OSBPL9: variants seen among roughly 807,000 people sequenced by gnomAD.
OSBPL9 encodes the protein oxysterol-binding protein-related protein 9.
OSBPL9 carries 40 observed loss-of-function variants against 106.6 expected under a neutral mutation model. The observed-to-expected ratio is 0.38, with a 90% confidence interval of 0.29 to 0.49. The LOEUF is 0.49. Among genes scored for constraint, OSBPL9 ranks in the 20% least tolerant of loss-of-function variants. OSBPL9 has a pLI of 0.97. For missense variants in OSBPL9, 609 were observed against 887.2 expected (o/e 0.69, Z 3.98); for synonymous variants, 269 against 295.4 (o/e 0.91, Z 0.92).
intron 3 of OSBPL9, among the ~76,000 whole-genome samples, chr1:51,693,014 A>G (rs187542527): frequency 5.2e-4 from 79 of 152,278 alleles, no homozygotes; most frequent in Middle Eastern, 3.4e-3. Flanking sequence ...AAAAGGTGAC[A>G]AATTATCACT....
chr1:51,562,516 T>G, the OSBPL9 span, among the ~76,000 whole-genome samples: 1,629 of 152,326 alleles, frequency 0.011, 21 homozygotes, highest in African/African-American at 0.037. Context: ...AAGAATGGAC[T>G]AATACACCAA....
chr1:51,767,936 C>CTT (rs869092922), intron 12 of OSBPL9, among the ~76,000 whole-genome samples: 2,636 of 65,052 alleles, frequency 0.041, 677 homozygotes, highest in Non-Finnish European at 0.054. Flanking sequence ...TAAAGACCGT[C>CTT]TTTTTTTTTT....
intron 12 of OSBPL9, among the ~76,000 whole-genome samples, chr1:51,767,379 G>T (rs1672788518): frequency 6.6e-6 from 1 of 150,434 alleles, no homozygotes; most frequent in Non-Finnish European, 1.5e-5. Flanking sequence ...GGTGACAAGA[G>T]TGAGACTCTG....
At chr1:51,572,973 A>T (rs1645159599), upstream of OSBPL9, among the ~76,000 whole-genome samples, 1 of 152,104 alleles carries the variant, frequency 6.6e-6, no homozygotes, top group Non-Finnish European at 1.5e-5. Context: ...GCAATGCGGG[A>T]GGCTGAGGTG....
chr1:51,519,312 G>A, the OSBPL9 span: 2 of 410,016 alleles, frequency 4.9e-6, no homozygotes, highest in Non-Finnish European at 7.9e-6. Context: ...GGGAGCGGCC[G>A]CAGGCGAGGC....
the OSBPL9 span, among the ~76,000 whole-genome samples, chr1:51,561,192 G>A: frequency 1.3e-5 from 2 of 152,176 alleles, no homozygotes; most frequent in African/African-American, 4.8e-5. Context: ...AGCTGAAATT[G>A]CATCACTGCA....
intron 4 of OSBPL9, among the ~76,000 whole-genome samples, chr1:51,733,639 G>C (rs1027851348): frequency 6.6e-5 from 10 of 152,092 alleles, no homozygotes; most frequent in African/African-American, 2.4e-4. Flanking sequence ...GCTGGGTGTG[G>C]TGGTGGGCAT....
the OSBPL9 span, among the ~76,000 whole-genome samples, chr1:51,522,229 A>G: frequency 3.3e-5 from 5 of 152,370 alleles, no homozygotes; most frequent in South Asian, 1.0e-3. Context: ...TTCTATAAGT[A>G]AGAGCCATTG....
At chr1:51,694,960 A>G (rs1204630210) in intron 3 of OSBPL9, among the ~76,000 whole-genome samples, 1 of 152,196 alleles carries the variant, frequency 6.6e-6, no homozygotes, top group Non-Finnish European at 1.5e-5. Flanking sequence ...CCCGAGAGTG[A>G]ATAATTTAGT....
intron 1 of OSBPL9, among the ~76,000 whole-genome samples, chr1:51,625,380 C>T (rs1000950262): frequency 6.6e-6 from 1 of 151,992 alleles, no homozygotes; most frequent in African/African-American, 2.4e-5. Context: ...TAGGTAATCC[C>T]GATCAAAACT....
the OSBPL9 span, among the ~76,000 whole-genome samples, chr1:51,558,983 C>G: frequency 6.6e-6 from 1 of 152,046 alleles, no homozygotes; most frequent in Non-Finnish European, 1.5e-5. Context: ...ACAAAACAAA[C>G]AACAACAACT....
At chr1:51,641,697 T>G (rs1411041553) in intron 1 of OSBPL9, among the ~76,000 whole-genome samples, 1 of 152,214 alleles carries the variant, frequency 6.6e-6, no homozygotes, top group African/African-American at 2.4e-5. Context: ...AGCAGGGCCT[T>G]ACAAATGTGT....
the OSBPL9 span, among the ~76,000 whole-genome samples, chr1:51,542,177 C>T: frequency 4.6e-5 from 7 of 152,242 alleles, no homozygotes; most frequent in Admixed American, 1.3e-4. Context: ...GCTTAAACCA[C>T]TGCACCTGGC....
chr1:51,739,254 A>G (rs1383824847), intron 4 of OSBPL9, among the ~76,000 whole-genome samples: 1 of 152,040 alleles, frequency 6.6e-6, no homozygotes, highest in East Asian at 1.9e-4. Flanking sequence ...CCAATTGAAA[A>G]AAAATTCAGC....
chr1:51,745,528 TTCTC>T lies in OSBPL9; in HGVS notation c.319-6_319-3del, dbSNP rs777795509. Reference sequence around the variant, plus strand: ...CTGGTAGATTTATTGCAAATTCTCTTTCTCTAGGGTTTGGATTCAGGATTTGTTC... The same window carrying T: ...CTGGTAGATTTATTGCAAATTCTCTTTAGGGTTTGGATTCAGGATTTGTTC... On this transcript the variant is annotated splice_polypyrimidine_tract_variant and splice_region_variant and intron_variant, in intron 4 of 23. Transcript: ENST00000428468. The T allele has an allele frequency of 1.2e-6, 2 of 1,610,578 alleles. No homozygotes were observed. Among genetic ancestry groups the T allele is most frequent in the Admixed American group, 3.3e-5 (2 of 59,740 alleles).
At chr1:51,785,474 C>T (rs755069840) in intron 20 of OSBPL9, 5 of 263,114 alleles carry the variant, frequency 1.9e-5, no homozygotes, top group Non-Finnish European at 2.2e-5. Flanking sequence ...ACAGCACTTA[C>T]CACCTAGAAT....
intron 19 of OSBPL9, 37 bp from the exon 20 acceptor site, chr1:51,784,405 A>G: frequency 1.2e-6 from 2 of 1,612,740 alleles, no homozygotes; most frequent in Non-Finnish European, 1.7e-6. Context: ...TCTTCCTCTT[A>G]ACTGTCAACC....
Position 51,635,615 on chromosome 1 carries a change from A to G in OSBPL9, c.112-16376A>G, listed in dbSNP as rs146894200. 2.6e-5 allele frequency among the ~76,000 whole-genome samples: 4 copies of G among 152,292 alleles called. No homozygotes were observed. In the East Asian group the frequency reaches 7.7e-4, roughly 29 times the overall value. ...AGTAGTTTGCAGAACTTGGGCTACT[A>G]TTTAGTTTTTAATATTTAACTTTAT... is the stretch of plus-strand genomic sequence containing the variant. On this transcript the variant is annotated intron_variant, in intron 1 of 23. Coordinates refer to ENST00000428468, the MANE Select transcript of OSBPL9 (RefSeq NM_024586.6).
intron 15 of OSBPL9, among the ~76,000 whole-genome samples, chr1:51,780,221 A>T (rs1174098506): frequency 6.6e-6 from 1 of 151,740 alleles, no homozygotes; most frequent in Admixed American, 6.6e-5. Context: ...AAAAAAATAG[A>T]TGTTGATGTG....
Sources: allele counts gnomAD v4.1 joint callset (sites outside exome capture counted in the v4.1 genomes callset), GRCh38; gene constraint gnomAD v4.1.1; transcripts MANE v1.5; gene names NCBI Gene and HGNC (gene_info 2026-07-23, HGNC 2026-07-21).